Variants in TSPEAR observed in about 807,000 individuals in gnomAD.
TSPEAR encodes the protein thrombospondin-type laminin G domain and EAR repeat-containing protein.
Under a neutral mutation model 71.6 loss-of-function variants are expected in TSPEAR, and 69 were observed. That is an observed-to-expected ratio of 0.96 (90% CI 0.79 to 1.18). TSPEAR has a LOEUF of 1.18. Among genes scored for constraint, TSPEAR ranks in the 50% most tolerant of loss-of-function variants. The pLI is 0.00. For missense variants in TSPEAR, 971 were observed against 894.9 expected, an observed-to-expected ratio of 1.09 and a Z score of -1.09; for synonymous variants, 402 against 387.2, an observed-to-expected ratio of 1.04 and a Z score of -0.45.
chr21:44,553,650 T>G (rs935423583), intron 2 of TSPEAR, among the ~76,000 whole-genome samples: 60 of 152,198 alleles, frequency 3.9e-4, no homozygotes, highest in African/African-American at 1.4e-3. Flanking sequence ...GGATCAGGTA[T>G]TCTGGGCTGA....
At position 44,622,413 on chromosome 21, in the gene TSPEAR, A is replaced by G. The variant is rs1488978359; in HGVS notation, c.83-54408T>C. Among the ~76,000 whole-genome samples the G allele has an allele frequency of 3.3e-5, 5 of 152,182 alleles. No homozygotes were observed. In the East Asian group the frequency reaches 9.6e-4, roughly 29 times the overall value. On this transcript the variant is annotated intron_variant, in intron 1 of 11. Coordinates refer to ENST00000323084, the MANE Select transcript of TSPEAR (RefSeq NM_144991.3). ...TTAGTTCCTTGGGCTGCCACATCAA[A>G]TGTCACCAAAAAAGTGACTTATAAG...
At chr21:44,587,314 AG>A (rs1443517836) in intron 1 of TSPEAR, among the ~76,000 whole-genome samples, 1 of 152,240 alleles carries the variant, frequency 6.6e-6, no homozygotes, top group Admixed American at 6.5e-5. Flanking sequence ...TAAAATACTC[AG>A]GAATATACCT....
intron 1 of TSPEAR, chr21:44,666,406 C>T (rs1555944688): frequency 6.4e-7 from 1 of 1,551,376 alleles, no homozygotes; most frequent in East Asian, 2.3e-5. Context: ...ACAGGTGTGG[C>T]CTCATCTGCA....
At chr21:44,504,545 T>G (rs1441192014) in intron 11 of TSPEAR, among the ~76,000 whole-genome samples, 1 of 101,150 alleles carries the variant, frequency 9.9e-6, no homozygotes. Flanking sequence ...GAGCCCACAG[T>G]GGGGAAGCAA....
intron 1 of TSPEAR, among the ~76,000 whole-genome samples, chr21:44,606,579 C>T (rs1282830144): frequency 1.3e-5 from 2 of 152,160 alleles, no homozygotes; most frequent in Admixed American, 6.5e-5. Flanking sequence ...CTCCTATGTT[C>T]ATTTCAGTCT....
At chr21:44,595,086 A>T (rs1468702687) in intron 1 of TSPEAR, among the ~76,000 whole-genome samples, 1 of 152,070 alleles carries the variant, frequency 6.6e-6, no homozygotes, top group Non-Finnish European at 1.5e-5. Context: ...CCTCCCAAAC[A>T]TGCTAGGATT....
chr21:44,707,363 G>GGAGGCC (rs1369913928), intron 1 of TSPEAR, among the ~76,000 whole-genome samples: 1 of 152,120 alleles, frequency 6.6e-6, no homozygotes, highest in Non-Finnish European at 1.5e-5. Flanking sequence ...TGGCAGAGGC[G>GGAGGCC]GAGGCCGAGG....
chr21:44,664,922 A>G (rs1050795656), intron 1 of TSPEAR, among the ~76,000 whole-genome samples: 2 of 152,204 alleles, frequency 1.3e-5, no homozygotes, highest in African/African-American at 4.8e-5. Flanking sequence ...CAGGGCAGGT[A>G]GGTTCTCCAG....
intron 2 of TSPEAR, chr21:44,539,910 G>A: frequency 6.2e-7 from 1 of 1,614,054 alleles, no homozygotes; most frequent in Non-Finnish European, 8.5e-7. Context: ...CTAGACTGCT[G>A]GCAGCACGAG....
At chr21:44,579,366 T>C in intron 1 of TSPEAR, 1 of 266,524 alleles carries the variant, frequency 3.8e-6, no homozygotes, top group South Asian at 6.3e-5. Flanking sequence ...ACTTCTAGGT[T>C]AAGTCACTCA....
At chr21:44,533,948 G>A in intron 2 of TSPEAR, 25 bp from the exon 3 acceptor site, 1 of 1,572,744 alleles carries the variant, frequency 6.4e-7, no homozygotes, top group East Asian at 2.3e-5. Flanking sequence ...CCAGGCTCAG[G>A]ACGGGGCTGG....
intron 1 of TSPEAR, among the ~76,000 whole-genome samples, chr21:44,581,080 G>A (rs1978940412): frequency 6.6e-6 from 1 of 152,150 alleles, no homozygotes; most frequent in South Asian, 2.1e-4. Context: ...AGGGTACGAT[G>A]AAGCTAAGTG....
chr21:44,509,295 T>C lies in TSPEAR; in HGVS notation c.1658A>G (p.Gln553Arg). The C allele has an allele frequency of 6.2e-7, 1 of 1,614,050 alleles. No homozygotes were observed. ...ANSHSYDVEM[Q>R]VQNDSYVINS... ...GATGACATAGGAATCATTCTGGACT[T>C]GCATCTCCACATCGTAGCTGTGACT... The change falls in exon 10 of 12, where the codon CAA becomes CGA. Residue 553 changes from glutamine (Q) to arginine (R), a missense_variant. Transcript: ENST00000323084.
At chr21:44,553,316 A>G (rs9982649) in intron 2 of TSPEAR, among the ~76,000 whole-genome samples, 4,712 of 152,326 alleles carry the variant, frequency 0.031, 225 homozygotes, top group African/African-American at 0.11. Context: ...TAGGATCTAC[A>G]TTCTCAACCA....
chr21:44,528,677 C>T (rs2052906119), intron 5 of TSPEAR, 94 bp from the exon 6 acceptor site: 1 of 1,507,810 alleles, frequency 6.6e-7, no homozygotes, highest in Non-Finnish European at 8.9e-7. Context: ...GCTGCCCTGC[C>T]TCAGCCTCTG....
intron 1 of TSPEAR, chr21:44,702,490 C>A: frequency 6.2e-7 from 1 of 1,608,736 alleles, no homozygotes; most frequent in Non-Finnish European, 8.5e-7. Flanking sequence ...CTGCTGCAAG[C>A]CTGTCTGTTG....
Position 44,506,671 on chromosome 21 carries a change from G to A in TSPEAR, c.1755-1790C>T, listed in dbSNP as rs2052209907. On this transcript the variant is annotated intron_variant, in intron 10 of 11. Coordinates refer to ENST00000323084, the MANE Select transcript of TSPEAR (RefSeq NM_144991.3). This position sits in a 1 kb window ranked among gnomAD's most constrained non-coding sequence, Gnocchi z 4.2. ...GCCCGTGCCAGCTCGCTGGGAGGAGGACGAGGACGCCTGTGATCACATGCT... is the reference window on the plus strand; with the variant it reads ...GCCCGTGCCAGCTCGCTGGGAGGAGAACGAGGACGCCTGTGATCACATGCT... 1.3e-5 allele frequency: 2 copies of A among 152,352 alleles called. No individual in the cohort carries two copies. The highest frequency in any genetic ancestry group is 2.9e-5 in the Non-Finnish European group (2 of 68,138). The allele number at this position is 152,352 out of a possible 1,614,324, so 9.4% of individuals were successfully genotyped here.
At chr21:44,576,474 C>G (rs1555924010) in intron 1 of TSPEAR, among the ~76,000 whole-genome samples, 1 of 151,406 alleles carries the variant, frequency 6.6e-6, no homozygotes, top group Non-Finnish European at 1.5e-5. Context: ...GGGGGCAAAC[C>G]TCATGGGTGA....
chr21:44,627,868 C>T lies in TSPEAR; in HGVS notation c.83-59863G>A, dbSNP rs368830074. On this transcript the variant is annotated intron_variant, in intron 1 of 11. Transcript: ENST00000323084. The stretch of plus-strand genomic sequence containing the variant: ...CTGCAGACCCTCCTCCTCTGTGTCC[C>T]TCCTCTGCCGCCCTGTGTGCAGGCC... 1.7e-4 allele frequency: 269 copies of T among 1,613,318 alleles called. No individual in the cohort carries two copies. The highest frequency in any genetic ancestry group is 2.2e-4 in the Non-Finnish European group (254 of 1,179,686).
Sources: allele counts gnomAD v4.1 joint callset (sites outside exome capture counted in the v4.1 genomes callset), GRCh38; gene constraint gnomAD v4.1.1; non-coding constraint Gnocchi (gnomAD v3.1); transcripts MANE v1.5; gene names NCBI Gene and HGNC (gene_info 2026-07-23, HGNC 2026-07-21).